C12orf42: variants seen among roughly 807,000 people sequenced by gnomAD.
The protein encoded by C12orf42 is uncharacterized protein C12orf42.
A neutral mutation model predicts 21.6 loss-of-function variants in C12orf42; 25 were observed. The ratio of observed to expected loss-of-function variants is 1.16; its 90% CI spans 0.84 to 1.62. C12orf42 has a LOEUF of 1.62. Ranked by LOEUF, C12orf42 falls within the 40% of genes most tolerant of loss-of-function variation. The pLI is 0.00. For missense variants in C12orf42, 483 were observed against 459.3 expected (o/e 1.05, Z -0.47); for synonymous variants, 174 against 175.0 (o/e 0.99, Z 0.05).
intron 1 of C12orf42, among the ~76,000 whole-genome samples, chr12:103,490,474 G>A (rs2138184441): frequency 6.6e-6 from 1 of 152,084 alleles, no homozygotes; most frequent in South Asian, 2.1e-4. Context: ...TATTGAATCA[G>A]TTTATTCAAT....
intron 2 of C12orf42, among the ~76,000 whole-genome samples, chr12:103,429,357 C>T (rs1337886984): frequency 3.9e-5 from 6 of 152,164 alleles, no homozygotes; most frequent in Non-Finnish European, 5.9e-5. Flanking sequence ...CATGAGTGAA[C>T]TCCCATTCAC....
At chr12:103,553,118 C>T in the C12orf42 span, among the ~76,000 whole-genome samples, 1 of 152,070 alleles carries the variant, frequency 6.6e-6, no homozygotes, top group African/African-American at 2.4e-5. Context: ...GTCGCGGGGG[C>T]TGTCCTGTGC....
At chr12:103,146,581 A>AAAGAAAGT in the C12orf42 span, among the ~76,000 whole-genome samples, 1 of 150,686 alleles carries the variant, frequency 6.6e-6, no homozygotes, top group African/African-American at 2.4e-5. Context: ...AGAAAGAAAG[A>AAAGAAAGT]AAGAAAGAAA....
the C12orf42 span, among the ~76,000 whole-genome samples, chr12:103,214,870 T>C: frequency 3.9e-5 from 6 of 152,304 alleles, no homozygotes; most frequent in East Asian, 1.2e-3. Context: ...CCTGACATCC[T>C]GACCTCTTTA....
At chr12:103,404,636 C>G (rs2048288399) in intron 2 of C12orf42, among the ~76,000 whole-genome samples, 1 of 152,068 alleles carries the variant, frequency 6.6e-6, no homozygotes. Context: ...GTGCTTTGCT[C>G]TAAAATAATA....
intron 4 of C12orf42, among the ~76,000 whole-genome samples, chr12:103,343,774 CAAA>C (rs397747722): frequency 8.0e-5 from 5 of 62,864 alleles, no homozygotes; most frequent in Non-Finnish European, 7.1e-5. Flanking sequence ...AACTCTGTCA[CAAA>C]AAAAAAAAAA....
the C12orf42 span, among the ~76,000 whole-genome samples, chr12:103,529,320 G>A: frequency 6.6e-6 from 1 of 152,176 alleles, no homozygotes; most frequent in African/African-American, 2.4e-5. Flanking sequence ...AATAAGCAAG[G>A]ATATAACTCA....
At chr12:103,212,774 A>C in the C12orf42 span, among the ~76,000 whole-genome samples, 1 of 151,980 alleles carries the variant, frequency 6.6e-6, no homozygotes, top group Non-Finnish European at 1.5e-5. Context: ...TACTTCCCTA[A>C]AAAAACACTT....
At chr12:103,224,788 C>CTAAAACAGTA in the C12orf42 span, among the ~76,000 whole-genome samples, 1 of 152,110 alleles carries the variant, frequency 6.6e-6, no homozygotes, top group African/African-American at 2.4e-5. Context: ...GAGGGCTAGG[C>CTAAAACAGTA]TAAAACAGTA....
At chr12:103,228,899 G>A in the C12orf42 span, among the ~76,000 whole-genome samples, 1 of 148,982 alleles carries the variant, frequency 6.7e-6, no homozygotes, top group Non-Finnish European at 1.5e-5. Context: ...TTCTCACTTG[G>A]GAATCTTGCT....
At chr12:103,064,086 T>C in the C12orf42 span, among the ~76,000 whole-genome samples, 28 of 152,316 alleles carry the variant, frequency 1.8e-4, 1 homozygote, top group African/African-American at 6.7e-4. Context: ...TTAGGGAGAT[T>C]GGGATGGTGA....
chr12:103,437,582 G>A (rs930872518), intron 2 of C12orf42, among the ~76,000 whole-genome samples: 12 of 152,014 alleles, frequency 7.9e-5, no homozygotes, highest in African/African-American at 2.4e-4. Flanking sequence ...TATCACCACC[G>A]ATCCCACAGA....
chr12:103,210,353 CTATAAT>C, the C12orf42 span, among the ~76,000 whole-genome samples: 3 of 152,004 alleles, frequency 2.0e-5, no homozygotes, highest in Non-Finnish European at 4.4e-5. Context: ...TTTTATATTT[CTATAAT>C]TATAATTCTT....
At chr12:103,373,884 T>C (rs2045472696) in intron 3 of C12orf42, among the ~76,000 whole-genome samples, 1 of 152,228 alleles carries the variant, frequency 6.6e-6, no homozygotes, top group African/African-American at 2.4e-5. Flanking sequence ...TGTCTAAATA[T>C]ATAAATGTTG....
chr12:103,273,122 G>A (rs559875563), intron 5 of C12orf42, among the ~76,000 whole-genome samples: 1 of 152,222 alleles, frequency 6.6e-6, no homozygotes, highest in East Asian at 1.9e-4. Flanking sequence ...TAGGATATTA[G>A]TCATTCTTCC....
the C12orf42 span, among the ~76,000 whole-genome samples, chr12:103,170,853 G>A: frequency 6.6e-5 from 10 of 152,140 alleles, no homozygotes; most frequent in Admixed American, 6.6e-4. Context: ...GAGTTGATAA[G>A]ATATTTTAGA....
the C12orf42 span, chr12:103,549,580 A>T: frequency 1.3e-5 from 2 of 152,192 alleles, no homozygotes; most frequent in African/African-American, 4.8e-5. Context: ...GGAAGAAAGG[A>T]AGAGAGGATA....
the C12orf42 span, among the ~76,000 whole-genome samples, chr12:103,124,268 C>A: frequency 1.4e-5 from 2 of 148,000 alleles, no homozygotes; most frequent in African/African-American, 5.0e-5. Flanking sequence ...CATCTGGTGT[C>A]CCTCATTATA....
the C12orf42 span, among the ~76,000 whole-genome samples, chr12:103,134,494 A>G: frequency 3.9e-5 from 6 of 151,992 alleles, no homozygotes; most frequent in African/African-American, 1.4e-4. Context: ...ATCTTCAACA[A>G]TAGTGTAGAT....
Sources: gnomAD v4.1 joint callset for allele counts (sites outside exome capture counted in the v4.1 genomes callset) on GRCh38, gnomAD v4.1.1 for gene constraint, MANE v1.5 for transcripts, NCBI Gene and HGNC (gene_info 2026-07-23, HGNC 2026-07-21) for gene names.